GALNTL6: variants seen among roughly 807,000 people sequenced by gnomAD.
GALNTL6 encodes the protein polypeptide N-acetylgalactosaminyltransferase-like 6.
A neutral mutation model predicts 73.7 loss-of-function variants in GALNTL6; 46 were observed. The ratio of observed to expected loss-of-function variants is 0.62; its 90% CI spans 0.49 to 0.80. The LOEUF is 0.80. Among genes scored for constraint, GALNTL6 ranks in the 30% least tolerant of loss-of-function variants. The pLI, the probability that GALNTL6 is intolerant of heterozygous loss-of-function variation, is 0.00. For synonymous variants in GALNTL6, 259 were observed against 263.7 expected (o/e 0.98, Z 0.17); for missense variants, 604 against 755.0 (o/e 0.80, Z 2.34).
chr4:171,919,570 T>G (rs1483181373), intron 2 of GALNTL6, among the ~76,000 whole-genome samples: 1 of 152,094 alleles, frequency 6.6e-6, no homozygotes, highest in Non-Finnish European at 1.5e-5. Context: ...TTCCTCTTAG[T>G]GGCAGGATAC....
chr4:172,192,050 G>A (rs1003445176), intron 2 of GALNTL6, among the ~76,000 whole-genome samples: 2 of 151,800 alleles, frequency 1.3e-5, no homozygotes, highest in African/African-American at 4.8e-5. Flanking sequence ...GTATAGAGCT[G>A]AACAATTAAT....
chr4:172,641,252 CT>C (rs1739960638), intron 5 of GALNTL6, among the ~76,000 whole-genome samples: 2 of 152,080 alleles, frequency 1.3e-5, no homozygotes, highest in Admixed American at 1.3e-4. Flanking sequence ...CATAAGTGAT[CT>C]TTTTAAGACA....
chr4:172,326,646 A>G (rs1740953924), intron 4 of GALNTL6, among the ~76,000 whole-genome samples: 1 of 151,938 alleles, frequency 6.6e-6, no homozygotes, highest in Admixed American at 6.6e-5. Flanking sequence ...CTCTGCCTTT[A>G]TGAGTTTGTT....
intron 11 of GALNTL6, among the ~76,000 whole-genome samples, chr4:173,009,910 T>C (rs1218581532): frequency 6.6e-6 from 1 of 152,220 alleles, no homozygotes; most frequent in African/African-American, 2.4e-5. Context: ...ATGGGGTACA[T>C]GAAATGTTTT....
intron 2 of GALNTL6, among the ~76,000 whole-genome samples, chr4:171,963,068 CTTT>C (rs35330466): frequency 5.6e-5 from 8 of 143,426 alleles, no homozygotes; most frequent in Admixed American, 2.1e-4. Context: ...GCCCAACCTA[CTTT>C]TTTTTTTTTT....
intron 2 of GALNTL6, among the ~76,000 whole-genome samples, chr4:172,042,597 G>A (rs986904254): frequency 2.0e-5 from 3 of 151,770 alleles, no homozygotes; most frequent in East Asian, 1.9e-4. Context: ...TTTCACAAGC[G>A]AAATCCTCAG....
chr4:172,517,216 A>G (rs946056500), intron 5 of GALNTL6, among the ~76,000 whole-genome samples: 3 of 152,168 alleles, frequency 2.0e-5, no homozygotes, highest in Non-Finnish European at 2.9e-5. Context: ...GAAATTATGT[A>G]AAGAAAATAC....
rs146493469 is a variant in GALNTL6, at chr4:172,977,900, C to T, written c.1371+25642C>T. ...CTGTTGCCAGGCTGGAGTGCAATGGCGTGATCACAGCTCACTGCAGCCTCT... is the reference window on the plus strand; with the variant it reads ...CTGTTGCCAGGCTGGAGTGCAATGGTGTGATCACAGCTCACTGCAGCCTCT... On this transcript the variant is annotated intron_variant, in intron 10 of 12. Transcript: ENST00000506823. Among the ~76,000 whole-genome samples the T allele has an allele frequency of 1.3e-3, 192 of 152,254 alleles. 1 individual carries two copies. Among genetic ancestry groups the T allele is most frequent in the African/African-American group, 3.6e-3 (148 of 41,544 alleles).
chr4:172,266,664 A>G (rs1738463332), intron 3 of GALNTL6, among the ~76,000 whole-genome samples: 1 of 151,986 alleles, frequency 6.6e-6, no homozygotes, highest in South Asian at 2.1e-4. Flanking sequence ...TTATCACCCT[A>G]AACAATAAAA....
intron 2 of GALNTL6, among the ~76,000 whole-genome samples, chr4:171,852,367 G>A (rs1482798107): frequency 6.6e-6 from 1 of 151,704 alleles, no homozygotes; most frequent in South Asian, 2.1e-4. Flanking sequence ...TGTGTGGGGT[G>A]GTGGTGGCCG....
intron 5 of GALNTL6, among the ~76,000 whole-genome samples, chr4:172,710,801 A>G (rs1734658215): frequency 6.6e-6 from 1 of 152,186 alleles, no homozygotes; most frequent in Non-Finnish European, 1.5e-5. Context: ...TATTCAAAAT[A>G]TCTGATTTCC....
chr4:172,484,199 G>A (rs337993), intron 5 of GALNTL6, among the ~76,000 whole-genome samples: 16,767 of 152,106 alleles, frequency 0.11, 989 homozygotes, highest in East Asian at 0.23. Context: ...ATTTTAGATA[G>A]TCTCGCACCA....
At chr4:172,237,992 T>G (rs1737296552) in intron 3 of GALNTL6, among the ~76,000 whole-genome samples, 1 of 152,210 alleles carries the variant, frequency 6.6e-6, no homozygotes, top group Admixed American at 6.5e-5. Context: ...ACTGTAGGCT[T>G]GTAACATTGT....
intron 12 of GALNTL6, among the ~76,000 whole-genome samples, chr4:173,032,833 T>C (rs1217053252): frequency 1.3e-5 from 2 of 151,644 alleles, no homozygotes; most frequent in Non-Finnish European, 2.9e-5. Context: ...TTTTTTTTCA[T>C]GATCCCGGCT....
intron 5 of GALNTL6, among the ~76,000 whole-genome samples, chr4:172,785,819 G>A (rs961876088): frequency 4.6e-5 from 7 of 152,064 alleles, no homozygotes; most frequent in Admixed American, 1.3e-4. Context: ...TTTAGTTAAG[G>A]CATGACTTTT....
chr4:172,654,659 A>C (rs1001785749), intron 5 of GALNTL6, among the ~76,000 whole-genome samples: 1 of 152,188 alleles, frequency 6.6e-6, no homozygotes, highest in African/African-American at 2.4e-5. Flanking sequence ...GCAAGCTGTC[A>C]CTGCTGTCTC....
At chr4:172,787,314 G>A (rs1239137871) in intron 5 of GALNTL6, among the ~76,000 whole-genome samples, 1 of 152,160 alleles carries the variant, frequency 6.6e-6, no homozygotes, top group African/African-American at 2.4e-5. Context: ...GTGGTTATTA[G>A]AGTGCCAGTT....
At chr4:172,096,819 T>G (rs1438545367) in intron 2 of GALNTL6, among the ~76,000 whole-genome samples, 1 of 152,204 alleles carries the variant, frequency 6.6e-6, no homozygotes, top group Non-Finnish European at 1.5e-5. Flanking sequence ...AATTTTAGCT[T>G]CATATCCTAA....
At chr4:172,580,595 C>T (rs572663421) in intron 5 of GALNTL6, among the ~76,000 whole-genome samples, 9 of 152,210 alleles carry the variant, frequency 5.9e-5, no homozygotes, top group Non-Finnish European at 1.3e-4. Context: ...TCTTCTCTAT[C>T]GTTAGGAATT....
Sources: gnomAD v4.1 joint callset for allele counts (sites outside exome capture counted in the v4.1 genomes callset) on GRCh38, gnomAD v4.1.1 for gene constraint, MANE v1.5 for transcripts, NCBI Gene and HGNC (gene_info 2026-07-23, HGNC 2026-07-21) for gene names.